FAM227A: variants seen among roughly 807,000 people sequenced by gnomAD.
FAM227A encodes protein FAM227A.
A neutral mutation model predicts 74.7 loss-of-function variants in FAM227A; 80 were observed. The observed-to-expected ratio is 1.07, with a 90% CI of 0.89 to 1.29. The LOEUF (loss-of-function observed/expected upper bound fraction) is 1.29. FAM227A is among the 50% of genes most tolerant of loss of function. The pLI is 0.00. For missense variants in FAM227A, 654 were observed against 683.4 expected (o/e 0.96, Z 0.48); for synonymous variants, 237 against 241.8 (o/e 0.98, Z 0.19).
At chr22:38,626,122 C>G in intron 9 of FAM227A, 58 bp downstream of exon 9, 1 of 1,533,290 alleles carries the variant, frequency 6.5e-7, no homozygotes, top group Non-Finnish European at 8.8e-7. Flanking sequence ...TACCTAGGTG[C>G]CAGCGGAAAA....
intron 1 of FAM227A, among the ~76,000 whole-genome samples, chr22:38,651,809 AGG>A (rs1434590635): frequency 1.3e-5 from 2 of 152,204 alleles, no homozygotes; most frequent in Non-Finnish European, 2.9e-5. Context: ...TGCTGGGGGC[AGG>A]GCAGAAGAGT....
At position 38,654,123 on chromosome 22, in the gene FAM227A, C is replaced by A. The variant is rs558436692; in HGVS notation, c.-95+1997G>T. On this transcript the variant is annotated intron_variant, in intron 1 of 16. Transcript: ENST00000535113. ...CACCACTTTAGGAGGCCGAGGCAGG[C>A]GGATGACGAGGTCAGGAGATCCAGA... Among the ~76,000 whole-genome samples, 3 of 152,046 alleles carry A rather than the reference C, an allele frequency of 2.0e-5. No homozygotes were observed. In the East Asian group the frequency reaches 5.9e-4, roughly 30 times the overall value.
intron 11 of FAM227A, among the ~76,000 whole-genome samples, chr22:38,613,261 T>C (rs2413540): frequency 1.6e-5 from 1 of 62,034 alleles, no homozygotes; most frequent in South Asian, 3.5e-4. Context: ...TAACATATAT[T>C]ATAACATATA....
At chr22:38,588,919 C>T (rs976822151) in intron 16 of FAM227A, among the ~76,000 whole-genome samples, 11 of 143,422 alleles carry the variant, frequency 7.7e-5, no homozygotes, top group African/African-American at 2.8e-4. Flanking sequence ...TAGAGCAAGA[C>T]TCCATCTCAA....
chr22:38,586,317 G>A lies in FAM227A; in HGVS notation c.1639-118C>T, dbSNP rs1001234168. On this transcript the variant is annotated intron_variant, in intron 16 of 16. Transcript: ENST00000535113. ...GTGATCCTTGTGTGCATGGAATATTGAGGGCGTGCTCCTGCCTCCAGAGAA... is the reference window on the plus strand; with the variant it reads ...GTGATCCTTGTGTGCATGGAATATTAAGGGCGTGCTCCTGCCTCCAGAGAA... The A allele has an allele frequency of 5.7e-5, 63 of 1,114,386 alleles. No individual in the cohort carries two copies. The African/African-American group carries it at 9.3e-4, about 16-fold the overall frequency. The allele number at this position is 1,114,386 out of a possible 1,614,324, so 69.0% of individuals were successfully genotyped here. A position where few individuals can be genotyped will look rare whatever the true frequency, so the allele number is the denominator to read the frequency against.
intron 10 of FAM227A, among the ~76,000 whole-genome samples, chr22:38,622,873 CAAAAAAAAAAAAAA>C (rs138871600): frequency 1.3e-4 from 6 of 45,134 alleles, no homozygotes; most frequent in African/African-American, 4.9e-4. Context: ...AAGACTGTCT[CAAAAAAAAAAAAAA>C]AAAAAAAAAA....
In FAM227A at chr22:38,585,896, C is replaced by A; in HGVS notation, c.*229G>T. The A allele has an allele frequency of 2.0e-6, 2 of 990,022 alleles. No individual in the cohort carries two copies. Among genetic ancestry groups the A allele is most frequent in the Non-Finnish European group, 2.9e-6 (2 of 695,860 alleles). 61.3% of individuals were successfully genotyped at this position (990,022 alleles called of 1,614,324 possible). On this transcript the variant is annotated 3_prime_UTR_variant, in exon 17 of 17. Coordinates refer to ENST00000535113, the MANE Select transcript of FAM227A (RefSeq NM_001013647.2). ...TTACCAGCATGCACGTAATAAAATA[C>A]TGAAAGAGTAAATCTATGAATAAAT...
intron 11 of FAM227A, among the ~76,000 whole-genome samples, chr22:38,617,292 C>CTTTTTTT (rs35990617): frequency 8.6e-6 from 1 of 116,154 alleles, no homozygotes; most frequent in Non-Finnish European, 1.8e-5. Flanking sequence ...TGAGAACAGA[C>CTTTTTTT]TTTTTTTTTT....
At chr22:38,613,097 ATATATAATTATATATATAT>A (rs2091457979) in intron 11 of FAM227A, among the ~76,000 whole-genome samples, 1 of 93,966 alleles carries the variant, frequency 1.1e-5, no homozygotes, top group South Asian at 2.6e-4. Flanking sequence ...TATATATATT[ATATATAATTATATATATAT>A]TATATATAAT....
intron 3 of FAM227A, 83 bp downstream of exon 3, chr22:38,645,480 C>T (rs1268807302): frequency 1.4e-5 from 11 of 813,944 alleles, no homozygotes; most frequent in Non-Finnish European, 1.8e-5. Flanking sequence ...ATGGAGAGGC[C>T]CCAGGGCACT....
intron 11 of FAM227A, among the ~76,000 whole-genome samples, chr22:38,612,400 C>CT (rs916495746): frequency 3.3e-5 from 5 of 151,980 alleles, no homozygotes; most frequent in African/African-American, 7.2e-5. Context: ...CACTCGAGCT[C>CT]TTTTTTTTCG....
chr22:38,590,314 T>C (rs2090905071), intron 16 of FAM227A, among the ~76,000 whole-genome samples: 1 of 149,336 alleles, frequency 6.7e-6, no homozygotes, highest in Non-Finnish European at 1.5e-5. Context: ...ATGTTTTGGA[T>C]ATGCAAAGAC....
chr22:38,615,111 G>A (rs1242811906), intron 11 of FAM227A, among the ~76,000 whole-genome samples: 4 of 152,124 alleles, frequency 2.6e-5, no homozygotes, highest in South Asian at 4.1e-4. Context: ...TGCAACCTCC[G>A]CCCCCTGGTT....
At chr22:38,642,373 T>A (rs2092136066) in intron 3 of FAM227A, among the ~76,000 whole-genome samples, 1 of 152,078 alleles carries the variant, frequency 6.6e-6, no homozygotes, top group Non-Finnish European at 1.5e-5. Flanking sequence ...ATCACAAAAA[T>A]GAACTCAAAA....
Position 38,580,683 on chromosome 22 carries a change from T to A in FAM227A, c.*5442A>T, listed in dbSNP as rs1184263296. ...CTATTTGGTTACCTGGTAATACAGT[T>A]CATATGGGAATGGCATGATAAATGC... On this transcript the variant is annotated 3_prime_UTR_variant, in exon 17 of 17. Coordinates refer to ENST00000535113, the MANE Select transcript of FAM227A (RefSeq NM_001013647.2). 6.6e-6 allele frequency: 1 copy of A among 152,246 alleles called. No homozygotes were observed. Among genetic ancestry groups the A allele is most frequent in the Non-Finnish European group, 1.5e-5 (1 of 68,042 alleles). 9.4% of individuals were successfully genotyped at this position (152,246 alleles called of 1,614,324 possible).
intron 6 of FAM227A, among the ~76,000 whole-genome samples, chr22:38,635,212 G>C (rs951332030): frequency 1.5e-5 from 2 of 133,758 alleles, no homozygotes; most frequent in African/African-American, 5.8e-5. Context: ...CCTGGCGACA[G>C]AGCGAGACTC....
intron 9 of FAM227A, among the ~76,000 whole-genome samples, chr22:38,624,644 G>A (rs1602993896): frequency 6.6e-6 from 1 of 152,186 alleles, no homozygotes; most frequent in Admixed American, 6.5e-5. Flanking sequence ...ACAGACAGAG[G>A]TGTCTATGTG....
intron 15 of FAM227A, among the ~76,000 whole-genome samples, chr22:38,593,210 A>G (rs1293094237): frequency 1.3e-5 from 2 of 152,212 alleles, no homozygotes; most frequent in Non-Finnish European, 2.9e-5. Flanking sequence ...TACAGAATAA[A>G]TAAAGCATAA....
Position 38,626,255 on chromosome 22 carries a change from A to C in FAM227A, c.775T>G (p.Cys259Gly). The change falls in exon 9 of 17, where the codon TGC becomes GGC. Residue 259 changes from cysteine (C) to glycine (G), a missense_variant. Coordinates refer to ENST00000535113, the MANE Select transcript of FAM227A (RefSeq NM_001013647.2). ...SKAVYTSFCC[C>G]FPQSWFDTHE... is the part of the protein sequence containing the mutation. ...GTGTCGAACCAGGACTGTGGAAAGCAGCAACAGAAGCTGGTGTACACGGCT... is the reference window on the plus strand; with the variant it reads ...GTGTCGAACCAGGACTGTGGAAAGCCGCAACAGAAGCTGGTGTACACGGCT... 1 of 1,551,774 alleles carries C rather than the reference A, an allele frequency of 6.4e-7. No homozygotes were observed.
Sources: allele counts gnomAD v4.1 joint callset (sites outside exome capture counted in the v4.1 genomes callset), GRCh38; gene constraint gnomAD v4.1.1; transcripts MANE v1.5; gene names NCBI Gene and HGNC (gene_info 2026-07-23, HGNC 2026-07-21).